SPATA12: variants seen among roughly 807,000 people sequenced by gnomAD.
The protein encoded by SPATA12 is spermatogenesis-associated protein 12.
For missense variants in SPATA12, 219 were observed against 226.4 expected, an observed-to-expected ratio of 0.97 and a Z score of 0.21; for synonymous variants, 85 against 89.2, an observed-to-expected ratio of 0.95 and a Z score of 0.26.
chr3:57,071,023 G>C (rs11719697), intron 1 of SPATA12, among the ~76,000 whole-genome samples: 14,260 of 150,556 alleles, frequency 0.095, 909 homozygotes, highest in East Asian at 0.35. Context: ...GAAGGACAAA[G>C]TTGGAGGATT....
rs375488251 is a variant in SPATA12, at chr3:57,074,527, G to A, written c.*260G>A. 41 of 484,724 alleles carry A rather than the reference G, an allele frequency of 8.5e-5. No homozygotes were observed. Among genetic ancestry groups the A allele is most frequent in the East Asian group, 2.4e-4 (7 of 28,914 alleles). 30.0% of individuals were successfully genotyped at this position (484,724 alleles called of 1,614,324 possible). On this transcript the variant is annotated 3_prime_UTR_variant, in exon 2 of 2. Transcript: ENST00000334325. ...TCCAGATCTCATACTCTTAGCCCCC[G>A]GGGAACCTTCACTGTATTAAATGAC...
Position 57,073,974 on chromosome 3 carries a change from A to G in SPATA12, c.280A>G (p.Ile94Val), listed in dbSNP as rs370178911. Residue 94 changes from isoleucine (I) to valine (V), a missense_variant, in exon 2 of 2, where the codon ATC (isoleucine) becomes GTC (valine). Ile to Val is a conservative substitution (Grantham distance 29). Coordinates refer to ENST00000334325, the MANE Select transcript of SPATA12 (RefSeq NM_181727.2). ...TTTACAAGCAGCCATCTCTCTTGACATCGCTGTATCCCAAATAAATCTTCT... is the reference window on the plus strand; with the variant it reads ...TTTACAAGCAGCCATCTCTCTTGACGTCGCTGTATCCCAAATAAATCTTCT... ...RYLQAAISLD[I>V]AVSQINLLGR... is the part of the protein sequence containing the mutation. The G allele has an allele frequency of 6.2e-7, 1 of 1,614,248 alleles. No individual in the cohort carries two copies. Among genetic ancestry groups the G allele is most frequent in the Non-Finnish European group, 8.5e-7 (1 of 1,180,048 alleles).
intron 1 of SPATA12, among the ~76,000 whole-genome samples, chr3:57,069,307 C>T (rs1259403479): frequency 6.6e-6 from 1 of 151,702 alleles, no homozygotes; most frequent in Admixed American, 6.6e-5. Flanking sequence ...AAACACAGTC[C>T]AAATTCATGC....
chr3:57,074,495 C>T lies in SPATA12; in HGVS notation c.*228C>T. On this transcript the variant is annotated 3_prime_UTR_variant, in exon 2 of 2. Transcript: ENST00000334325. ...AAAGGTTAAGTTACTGGCACAAGGT[C>T]ACACAATCCAGATCTCATACTCTTA... 2 of 576,718 alleles carry T rather than the reference C, an allele frequency of 3.5e-6. No homozygotes were observed. Among genetic ancestry groups the T allele is most frequent in the South Asian group, 4.4e-5 (2 of 45,162 alleles). The allele number at this position is 576,718 out of a possible 1,614,324, so 35.7% of individuals were successfully genotyped here. A position where few individuals can be genotyped will look rare whatever the true frequency, so the allele number is the denominator to read the frequency against.
At chr3:57,063,107 C>A (rs151307784) in intron 1 of SPATA12, among the ~76,000 whole-genome samples, 1 of 152,176 alleles carries the variant, frequency 6.6e-6, no homozygotes. Context: ...AGGGACCAAG[C>A]TCTGCAGATA....
At chr3:57,069,759 C>T (rs948065830) in intron 1 of SPATA12, among the ~76,000 whole-genome samples, 13 of 152,174 alleles carry the variant, frequency 8.5e-5, no homozygotes, top group African/African-American at 2.4e-4. Flanking sequence ...ATCCTCCCAC[C>T]TTAGCCTTCC....
chr3:57,066,054 C>G (rs1253995352), intron 1 of SPATA12, among the ~76,000 whole-genome samples: 3 of 92,752 alleles, frequency 3.2e-5, no homozygotes, highest in Non-Finnish European at 4.5e-5. Flanking sequence ...AAAAAAAAAC[C>G]CTAAAATGTA....
At chr3:57,061,798 T>C (rs1705236622) in intron 1 of SPATA12, among the ~76,000 whole-genome samples, 1 of 152,206 alleles carries the variant, frequency 6.6e-6, no homozygotes, top group South Asian at 2.1e-4. Context: ...TATTAACTCA[T>C]TTAGTCCTGA....
rs1400526919 is a variant in SPATA12, at chr3:57,074,232, G to A, written c.538G>A (p.Val180Ile). 1.9e-6 allele frequency: 3 copies of A among 1,613,924 alleles called. No individual in the cohort carries two copies. Among genetic ancestry groups the A allele is most frequent in the East Asian group, 2.2e-5 (1 of 44,876 alleles). Residue 180 changes from valine (V) to isoleucine (I), a missense_variant, in exon 2 of 2, where the codon GTA becomes ATA. Transcript: ENST00000334325. Reference sequence around the variant, plus strand: ...CTGCTTTGTCAGGTCCCTCTCTACAGTATACTCCAACACACACATACACAC... The same window carrying A: ...CTGCTTTGTCAGGTCCCTCTCTACAATATACTCCAACACACACATACACAC... Reference protein sequence around the residue: ...EGCFVRSLSTVYSNTHIHTHL With the variant: ...EGCFVRSLSTIYSNTHIHTHL
In SPATA12 at chr3:57,063,103, C is replaced by G. The variant is rs374331278; in HGVS notation, c.-330+2317C>G. On this transcript the variant is annotated intron_variant, in intron 1 of 1. Coordinates refer to ENST00000334325, the MANE Select transcript of SPATA12 (RefSeq NM_181727.2). ...GGGAAGGCTGAAGGAAATGAGGGAC[C>G]AAGCTCTGCAGATATTGGGAGAGGT... 3.9e-5 allele frequency among the ~76,000 whole-genome samples: 6 copies of G among 152,288 alleles called. No homozygotes were observed. In the East Asian group the frequency reaches 7.7e-4, roughly 20 times the overall value.
intron 1 of SPATA12, among the ~76,000 whole-genome samples, chr3:57,062,441 A>G (rs1001475705): frequency 1.3e-5 from 2 of 152,230 alleles, no homozygotes; most frequent in Non-Finnish European, 2.9e-5. Flanking sequence ...GGCTAGGCTC[A>G]GGAGCACGGC....
Position 57,073,505 on chromosome 3 carries a change from T to C in SPATA12, c.-190T>C. On this transcript the variant is annotated 5_prime_UTR_variant, in exon 2 of 2. Transcript: ENST00000334325. The stretch of plus-strand genomic sequence containing the variant: ...TGAACATGGGAAAACCTCTGCAGTA[T>C]CTGGGTGACTGTGGGGTTTGGCTCT... 1 of 849,474 alleles carries C rather than the reference T, an allele frequency of 1.2e-6. No homozygotes were observed. The highest frequency in any genetic ancestry group is 2.0e-5 in the South Asian group (1 of 49,716). The allele number at this position is 849,474 out of a possible 1,614,324, so 52.6% of individuals were successfully genotyped here.
At chr3:57,066,186 G>A (rs1331829485) in intron 1 of SPATA12, among the ~76,000 whole-genome samples, 1 of 152,144 alleles carries the variant, frequency 6.6e-6, no homozygotes, top group African/African-American at 2.4e-5. Context: ...GTCAATCAAA[G>A]GGGAGGGAAT....
In SPATA12 at chr3:57,074,157, CCCA is replaced by C; in HGVS notation, c.464_466del (p.Pro155_Ser156delinsArg). On this transcript the variant is annotated inframe_deletion, in exon 2 of 2. Coordinates refer to ENST00000334325, the MANE Select transcript of SPATA12 (RefSeq NM_181727.2). ...ACTGTGTGAGGATATAGATGCCGAG[CCCA>C]GTAGCACAGGGTGCAGCCGTTCAAA... 6.2e-7 allele frequency: 1 copy of C among 1,614,150 alleles called. No individual in the cohort carries two copies. Among genetic ancestry groups the C allele is most frequent in the Non-Finnish European group, 8.5e-7 (1 of 1,180,030 alleles).
At chr3:57,063,872 A>G (rs1427473483) in intron 1 of SPATA12, among the ~76,000 whole-genome samples, 2 of 152,218 alleles carry the variant, frequency 1.3e-5, no homozygotes, top group Admixed American at 6.5e-5. Flanking sequence ...CATCATTCAC[A>G]ATAGACAAAA....
At chr3:57,061,682 C>T (rs146153052) in intron 1 of SPATA12, among the ~76,000 whole-genome samples, 67 of 152,282 alleles carry the variant, frequency 4.4e-4, no homozygotes, top group Non-Finnish European at 8.2e-4. Context: ...CTATATGATA[C>T]CTCTATGTTT....
intron 1 of SPATA12, among the ~76,000 whole-genome samples, chr3:57,067,438 G>GT (rs1705607164): frequency 7.1e-6 from 1 of 139,904 alleles, no homozygotes; most frequent in East Asian, 2.4e-4. Flanking sequence ...CTGGGTGACA[G>GT]CAAGACTCTG....
At chr3:57,067,905 G>A (rs1296655381) in intron 1 of SPATA12, among the ~76,000 whole-genome samples, 1 of 151,890 alleles carries the variant, frequency 6.6e-6, no homozygotes, top group Non-Finnish European at 1.5e-5. Context: ...TAGGAGAATG[G>A]CGTGAACCTG....
chr3:57,062,388 C>T (rs1705270955), intron 1 of SPATA12, among the ~76,000 whole-genome samples: 1 of 152,158 alleles, frequency 6.6e-6, no homozygotes, highest in African/African-American at 2.4e-5. Flanking sequence ...GGGAGGGGAA[C>T]CATGATAGGC....
Sources: allele counts gnomAD v4.1 joint callset (sites outside exome capture counted in the v4.1 genomes callset), GRCh38; gene constraint gnomAD v4.1.1; transcripts MANE v1.5; gene names NCBI Gene and HGNC (gene_info 2026-07-23, HGNC 2026-07-21).